Variants in CCPG1 observed in about 807,000 individuals in gnomAD.
CCPG1 encodes the protein cell cycle progression protein 1.
CCPG1 carries 46 observed loss-of-function variants against 81.3 expected under a neutral mutation model. The observed-to-expected ratio is 0.57, with a 90% CI of 0.45 to 0.72. The LOEUF (loss-of-function observed/expected upper bound fraction) is 0.72, where lower values mean the gene tolerates loss of function less well. CCPG1 is among the 30% of genes least tolerant of loss of function. The pLI is 0.00. For synonymous variants in CCPG1, 330 were observed against 305.2 expected, an observed-to-expected ratio of 1.08 and a Z score of -0.85; for missense variants, 902 against 937.6, an observed-to-expected ratio of 0.96 and a Z score of 0.50.
intron 6 of CCPG1, among the ~76,000 whole-genome samples, chr15:55,367,622 GA>G (rs34685266): frequency 0.8 from 117,370 of 146,556 alleles, 49,113 homozygotes; most frequent in East Asian, 0.98. Context: ...TTGTAGGGTG[GA>G]AAAAAAAAAA....
In CCPG1 at chr15:55,357,059, T is replaced by C. The variant is rs541229491; in HGVS notation, c.2235-650A>G. The C allele has an allele frequency of 4.1e-6, 4 of 985,538 alleles. No homozygotes were observed. The African/African-American group carries it at 7.0e-5, about 17-fold the overall frequency. The allele number at this position is 985,538 out of a possible 1,614,324, so 61.0% of individuals were successfully genotyped here. On this transcript the variant is annotated intron_variant, in intron 8 of 8. Coordinates refer to ENST00000442196, the MANE Select transcript of CCPG1 (RefSeq NM_001204450.2). Reference sequence around the variant, plus strand: ...AGCCTTCCCTACAACCCCATGGATGTTGGTGTTCTCCCAGGAGTCTGATAA... The same window carrying C: ...AGCCTTCCCTACAACCCCATGGATGCTGGTGTTCTCCCAGGAGTCTGATAA...
intron 7 of CCPG1, 50 bp from the exon 8 acceptor site, chr15:55,360,994 G>A (rs776779933): frequency 1.5e-5 from 22 of 1,441,902 alleles, no homozygotes; most frequent in Non-Finnish European, 1.8e-5. Context: ...TGCTTTAAAA[G>A]CTGAATTTAA....
At chr15:55,406,685 T>C (rs2057231349) in intron 1 of CCPG1, among the ~76,000 whole-genome samples, 1 of 151,854 alleles carries the variant, frequency 6.6e-6, no homozygotes, top group African/African-American at 2.4e-5. Flanking sequence ...TCCACCTGCA[T>C]GGGCCTCCCA....
chr15:55,382,088 T>C (rs147095811), intron 3 of CCPG1, among the ~76,000 whole-genome samples: 45 of 152,340 alleles, frequency 3.0e-4, no homozygotes, highest in African/African-American at 1.0e-3. Flanking sequence ...TTTTTGCTGG[T>C]GGAGAGTCTT....
At chr15:55,372,747 T>C (rs186365512) in intron 5 of CCPG1, 1 of 290,176 alleles carries the variant, frequency 3.4e-6, no homozygotes, top group East Asian at 1.0e-4. Flanking sequence ...TTCATTCAGT[T>C]TCAAAGAGGT....
chr15:55,377,197 G>A, intron 4 of CCPG1, 47 bp from the exon 5 acceptor site: 1 of 1,343,884 alleles, frequency 7.4e-7, no homozygotes, highest in Non-Finnish European at 1.1e-6. Context: ...AATCATTTAA[G>A]GGTCTTACAT....
intron 5 of CCPG1, 182 bp from the exon 6 acceptor site, chr15:55,372,226 A>G: frequency 1.7e-6 from 1 of 603,964 alleles, no homozygotes; most frequent in South Asian, 2.1e-5. Context: ...AAGCCAAAAC[A>G]TAAAGCATTT....
intron 7 of CCPG1, 50 bp from the exon 8 acceptor site, chr15:55,360,994 G>T: frequency 6.9e-7 from 1 of 1,442,018 alleles, no homozygotes; most frequent in Non-Finnish European, 9.1e-7. Context: ...TGCTTTAAAA[G>T]CTGAATTTAA....
chr15:55,368,828 C>T lies in CCPG1; in HGVS notation c.706+2965G>A, dbSNP rs187967150. Among the ~76,000 whole-genome samples, 8 of 152,264 alleles carry T rather than the reference C, an allele frequency of 5.3e-5. No individual in the cohort carries two copies. In the East Asian group the frequency reaches 1.4e-3, roughly 26 times the overall value. On this transcript the variant is annotated intron_variant, in intron 6 of 8. Coordinates refer to ENST00000442196, the MANE Select transcript of CCPG1 (RefSeq NM_001204450.2). ...ATGGTATTGTTAAATTATTATAAAG[C>T]GGGCCAGGCACGGTGGCTCACGCCT...
At chr15:55,370,775 G>A (rs1033772960) in intron 6 of CCPG1, among the ~76,000 whole-genome samples, 1 of 151,742 alleles carries the variant, frequency 6.6e-6, no homozygotes, top group Admixed American at 6.6e-5. Context: ...TACTCAGGAG[G>A]CTGAGGCAGG....
rs1269427034 is a variant in CCPG1, at chr15:55,389,368, A to G, written c.57T>C (p.His19=). 6.3e-7 allele frequency: 1 copy of G among 1,596,210 alleles called. No individual in the cohort carries two copies. The highest frequency in any genetic ancestry group is 1.3e-5 in the African/African-American group (1 of 74,750). ...DSSCGWTVIS[H]EGSDIEMLNS... Reference sequence around the variant, plus strand: ...TAAAAAGTATTAAATATCATACCTCATGACTGATGACAGTCCAACCACAAG... The same window carrying G: ...TAAAAAGTATTAAATATCATACCTCGTGACTGATGACAGTCCAACCACAAG... The change falls in exon 2 of 9, where the codon CAT becomes CAC. Residue 19 remains histidine, a synonymous_variant. Transcript: ENST00000442196.
chr15:55,370,480 A>G (rs1331901388), intron 6 of CCPG1, among the ~76,000 whole-genome samples: 1 of 152,232 alleles, frequency 6.6e-6, no homozygotes, highest in Admixed American at 6.5e-5. Flanking sequence ...CAGTCATTGT[A>G]CAAACACATA....
chr15:55,384,630 G>A (rs1489963002), intron 3 of CCPG1, among the ~76,000 whole-genome samples: 2 of 151,734 alleles, frequency 1.3e-5, no homozygotes, highest in Non-Finnish European at 2.9e-5. Flanking sequence ...ACTCCAGCAT[G>A]GGAAACAAGA....
Position 55,360,562 on chromosome 15 carries a change from C to T in CCPG1, c.1211G>A (p.Ser404Asn). The change falls in exon 8 of 9, where the codon AGT becomes AAT. Residue 404 changes from serine to asparagine, a missense_variant. By Grantham distance (46) the Ser-to-Asn change is conservative (BLOSUM62 1). Around this residue, in one of 3 missense-constraint regions of CCPG1, gnomAD observed 746 missense variants for 728.6 expected, o/e 1.02. Coordinates refer to ENST00000442196, the MANE Select transcript of CCPG1 (RefSeq NM_001204450.2). ...TALRGELQQL[S>N]GSQLHGKSDS... ...TGACTTGCCATGTAACTGACTACCA[C>T]TTAACTGCTGGAGTTCCCCCCTTAA... 1 of 1,614,162 alleles carries T rather than the reference C, an allele frequency of 6.2e-7. No individual in the cohort carries two copies. Among genetic ancestry groups the T allele is most frequent in the Non-Finnish European group, 8.5e-7 (1 of 1,180,010 alleles).
chr15:55,384,029 G>T (rs1566977045), intron 3 of CCPG1, among the ~76,000 whole-genome samples: 1 of 152,190 alleles, frequency 6.6e-6, no homozygotes, highest in Non-Finnish European at 1.5e-5. Flanking sequence ...CTTTTGACAT[G>T]CCTTCCTCAA....
At chr15:55,407,229 A>T (rs1266249190) in intron 1 of CCPG1, among the ~76,000 whole-genome samples, 3 of 15,812 alleles carry the variant, frequency 1.9e-4, no homozygotes, top group African/African-American at 8.8e-4. Context: ...ACCCTCTCTC[A>T]AAAAAAAAAA....
At chr15:55,379,646 A>G (rs2056639484) in intron 3 of CCPG1, among the ~76,000 whole-genome samples, 1 of 152,196 alleles carries the variant, frequency 6.6e-6, no homozygotes, top group African/African-American at 2.4e-5. Context: ...AGCCTAGGCA[A>G]CATAGCGAGA....
At chr15:55,407,683 G>A (rs1340935962) in intron 1 of CCPG1, among the ~76,000 whole-genome samples, 5 of 152,226 alleles carry the variant, frequency 3.3e-5, no homozygotes, top group Non-Finnish European at 7.3e-5. Context: ...AACTGGAGAA[G>A]GATATGGAGA....
In CCPG1 at chr15:55,378,392, G is replaced by C; in HGVS notation, c.176-16C>G. On this transcript the variant is annotated splice_polypyrimidine_tract_variant and intron_variant, in intron 3 of 8. Transcript: ENST00000442196. ...TGGCTGCTTTCTGATATAAAGCAAA[G>C]ATCAATATAATTATTTCTTAATTTA... is the stretch of plus-strand genomic sequence containing the variant. 1 of 1,517,426 alleles carries C rather than the reference G, an allele frequency of 6.6e-7. No individual in the cohort carries two copies. The highest frequency in any genetic ancestry group is 9.1e-7 in the Non-Finnish European group (1 of 1,098,752). The allele number at this position is 1,517,426 out of a possible 1,614,324, so 94.0% of individuals were successfully genotyped here.
Sources: gnomAD v4.1 joint callset for allele counts (sites outside exome capture counted in the v4.1 genomes callset) on GRCh38, gnomAD v4.1.1 for gene constraint, gnomAD v4.1.1 regional missense constraint, MANE v1.5 for transcripts, NCBI Gene and HGNC (gene_info 2026-07-23, HGNC 2026-07-21) for gene names.